Variants in STT3A observed in about 807,000 individuals in gnomAD.
STT3A encodes the protein STT3 oligosaccharyltransferase complex catalytic subunit A.
A neutral mutation model predicts 89.2 loss-of-function variants in STT3A; 34 were observed. That is an observed-to-expected ratio of 0.38 (90% confidence interval 0.29 to 0.51). The LOEUF (loss-of-function observed/expected upper bound fraction) is 0.51. STT3A is among the 20% of genes least tolerant of loss of function. The pLI, the probability that STT3A is intolerant of heterozygous loss-of-function variation, is 0.89. For missense variants in STT3A, 555 were observed against 889.5 expected, an observed-to-expected ratio of 0.62 and a Z score of 4.78; for synonymous variants, 282 against 310.3, an observed-to-expected ratio of 0.91 and a Z score of 0.96.
chr11:125,620,176 G>A, intron 17 of STT3A, 50 bp downstream of exon 17: 2 of 1,440,180 alleles, frequency 1.4e-6, no homozygotes, highest in Non-Finnish European at 1.9e-6. Flanking sequence ...TTTGGAGATT[G>A]GTTTCAATGC....
chr11:125,620,839 C>A lies in STT3A; in HGVS notation c.*29C>A. Reference sequence around the variant, plus strand: ...TCACGTCCAGCTCTGATATGCTTCGCACTGAGCACATCACATTTAGGACGT... The same window carrying A: ...TCACGTCCAGCTCTGATATGCTTCGAACTGAGCACATCACATTTAGGACGT... On this transcript the variant is annotated 3_prime_UTR_variant, in exon 18 of 18. Transcript: ENST00000392708. The A allele has an allele frequency of 6.3e-7, 1 of 1,581,322 alleles. No homozygotes were observed. The highest frequency in any genetic ancestry group is 8.7e-7 in the Non-Finnish European group (1 of 1,155,316).
intron 1 of STT3A, among the ~76,000 whole-genome samples, chr11:125,595,677 C>A (rs1261622995): frequency 6.6e-6 from 1 of 152,164 alleles, no homozygotes; most frequent in Non-Finnish European, 1.5e-5. Flanking sequence ...CCATTTTAGT[C>A]TTGACACATA....
At chr11:125,615,495 A>G (rs999035988) in intron 15 of STT3A, among the ~76,000 whole-genome samples, 1 of 152,200 alleles carries the variant, frequency 6.6e-6, no homozygotes, top group African/African-American at 2.4e-5. Context: ...TTGTGAAAAA[A>G]AATCATAATA....
At position 125,620,927 on chromosome 11, in the gene STT3A, C is replaced by A; in HGVS notation, c.*117C>A. On this transcript the variant is annotated 3_prime_UTR_variant, in exon 18 of 18. Coordinates refer to ENST00000392708, the MANE Select transcript of STT3A (RefSeq NM_152713.5). ...TTGTAAGAACAAAACTGGATGGCATCAGAATTGTCTGGAAGTTTTGTCTTG... is the reference window on the plus strand; with the variant it reads ...TTGTAAGAACAAAACTGGATGGCATAAGAATTGTCTGGAAGTTTTGTCTTG... The A allele has an allele frequency of 1.2e-6, 1 of 833,538 alleles. No individual in the cohort carries two copies. The highest frequency in any genetic ancestry group is 1.8e-6 in the Non-Finnish European group (1 of 555,282). The allele number at this position is 833,538 out of a possible 1,614,324, so 51.6% of individuals were successfully genotyped here. A position where few individuals can be genotyped will look rare whatever the true frequency, so the allele number is the denominator to read the frequency against.
intron 3 of STT3A, among the ~76,000 whole-genome samples, chr11:125,597,977 G>A (rs1478602010): frequency 1.3e-5 from 2 of 152,146 alleles, no homozygotes; most frequent in Non-Finnish European, 2.9e-5. Flanking sequence ...ACTGGGGGAG[G>A]CCAAGGCGGG....
intron 3 of STT3A, among the ~76,000 whole-genome samples, chr11:125,599,251 T>C (rs1355545344): frequency 6.6e-6 from 1 of 152,200 alleles, no homozygotes; most frequent in Non-Finnish European, 1.5e-5. Flanking sequence ...AACAGAAGGA[T>C]AGAGATTTCT....
chr11:125,592,270 C>T (rs77673436), upstream of STT3A: 19 of 383,390 alleles, frequency 5.0e-5, no homozygotes, highest in Non-Finnish European at 9.4e-5. Context: ...GTTACCAAGG[C>T]ACAGTAAAAG....
chr11:125,623,068 CAAAAAAAAAAAAA>C (rs57731974), exon 18 of STT3A: 3 of 59,160 alleles, frequency 5.1e-5, no homozygotes, highest in East Asian at 5.8e-4. Context: ...AAGACTGTCT[CAAAAAAAAAAAAA>C]AAAAAAAAAA....
At position 125,622,003 on chromosome 11, in the gene STT3A, CCA is replaced by C. The variant is rs1407920605; in HGVS notation, c.*1194_*1195del. 3 of 152,186 alleles carry C rather than the reference CCA, an allele frequency of 2.0e-5. No individual in the cohort carries two copies. The highest frequency in any genetic ancestry group is 2.9e-5 in the Non-Finnish European group (2 of 68,048). 9.4% of individuals were successfully genotyped at this position (152,186 alleles called of 1,614,324 possible). ...TGAACTGTGATTGTGCCACTGTACT[CCA>C]GTCTGGGCGACAGTGAAATCTTGTC... On this transcript the variant is annotated 3_prime_UTR_variant, in exon 18 of 18. Coordinates refer to ENST00000392708, the MANE Select transcript of STT3A (RefSeq NM_152713.5).
At chr11:125,595,809 T>C in intron 1 of STT3A, 72 bp from the exon 2 acceptor site, 1 of 768,692 alleles carries the variant, frequency 1.3e-6, no homozygotes, top group Non-Finnish European at 2.2e-6. Flanking sequence ...TGATTCCCTC[T>C]CATCATAAAA....
chr11:125,596,676 C>T (rs1939509340), intron 2 of STT3A, among the ~76,000 whole-genome samples: 1 of 152,080 alleles, frequency 6.6e-6, no homozygotes, highest in Non-Finnish European at 1.5e-5. Flanking sequence ...CTTCATGAGT[C>T]CTAGGTGTAA....
At chr11:125,604,116 T>C in intron 5 of STT3A, 41 bp from the exon 6 acceptor site, 1 of 1,595,876 alleles carries the variant, frequency 6.3e-7, no homozygotes, top group Non-Finnish European at 8.6e-7. Flanking sequence ...TTCTCAGCAT[T>C]GTATTGGTGT....
At position 125,597,699 on chromosome 11, in the gene STT3A, G is replaced by T. The variant is rs541365417; in HGVS notation, c.149+580G>T. Among the ~76,000 whole-genome samples, 10 of 152,190 alleles carry T rather than the reference G, an allele frequency of 6.6e-5. No individual in the cohort carries two copies. The East Asian group carries it at 1.9e-3, about 29-fold the overall frequency. On this transcript the variant is annotated intron_variant, in intron 3 of 17. Coordinates refer to ENST00000392708, the MANE Select transcript of STT3A (RefSeq NM_152713.5). ...TTAGCAATTTATGTGATAGAAATTG[G>T]GCTTCTTAGTTAAATTCTAGGGCAA... is the stretch of plus-strand genomic sequence containing the variant.
At chr11:125,599,751 A>T (rs1475063969) in intron 3 of STT3A, among the ~76,000 whole-genome samples, 1 of 148,780 alleles carries the variant, frequency 6.7e-6, no homozygotes, top group Non-Finnish European at 1.5e-5. Context: ...ATTTTTTGAG[A>T]TGGAGTTTCG....
intron 9 of STT3A, 168 bp downstream of exon 9, chr11:125,608,457 G>GGCGCCTGCCACC (rs1210707312): frequency 5.0e-5 from 31 of 614,354 alleles, no homozygotes; most frequent in Non-Finnish European, 4.0e-5. Flanking sequence ...TGGGATTACA[G>GGCGCCTGCCACC]GCGCCTGCCA....
intron 15 of STT3A, among the ~76,000 whole-genome samples, chr11:125,616,771 A>G (rs1257615528): frequency 6.6e-6 from 1 of 152,064 alleles, no homozygotes; most frequent in Non-Finnish European, 1.5e-5. Flanking sequence ...TCTGCTTCCC[A>G]TGCTCAAGTG....
At position 125,608,154 on chromosome 11, in the gene STT3A, C is replaced by G. The variant is rs1225392683; in HGVS notation, c.826C>G (p.Leu276Val). 1.9e-6 allele frequency: 3 copies of G among 1,613,588 alleles called. No individual in the cohort carries two copies. The highest frequency in any genetic ancestry group is 1.7e-5 in the Admixed American group (1 of 59,870). ...CATGGCAGCCTTTGGGGTCTTTGGT[C>G]TCTGCCAGATCCATGCCTTTGTGGA... ...EHMAAFGVFGLCQIHAFVDYL... is the reference protein window; with the variant it reads ...EHMAAFGVFGVCQIHAFVDYL... Residue 276 changes from leucine to valine, a missense_variant, in exon 9 of 18, where the codon CTC (leucine) becomes GTC (valine). By Grantham distance (32) the Leu-to-Val change is conservative (BLOSUM62 1). Around this residue, in one of 5 missense-constraint regions of STT3A, gnomAD observed 149 missense variants for 206.2 expected, o/e 0.72. Coordinates refer to ENST00000392708, the MANE Select transcript of STT3A (RefSeq NM_152713.5).
intron 16 of STT3A, 60 bp from the exon 17 acceptor site, chr11:125,619,951 C>A: frequency 7.2e-7 from 1 of 1,396,874 alleles, no homozygotes; most frequent in Non-Finnish European, 1.0e-6. Context: ...AATCCATATA[C>A]TGTCTCTCTA....
At chr11:125,611,863 A>ATTTTTTTTTTTTT (rs59685125) in intron 11 of STT3A, among the ~76,000 whole-genome samples, 2 of 56,932 alleles carry the variant, frequency 3.5e-5, no homozygotes, top group African/African-American at 6.7e-5. Context: ...AGGGATTTGA[A>ATTTTTTTTTTTTT]TTTTTTTTTT....
Sources: gnomAD v4.1 joint callset for allele counts (sites outside exome capture counted in the v4.1 genomes callset) on GRCh38, gnomAD v4.1.1 for gene constraint, gnomAD v4.1.1 regional missense constraint, MANE v1.5 for transcripts, NCBI Gene and HGNC (gene_info 2026-07-23, HGNC 2026-07-21) for gene names.